Variants in TMEM86A observed in about 807,000 individuals in gnomAD.
The protein encoded by TMEM86A is lysoplasmalogenase TMEM86A.
A neutral mutation model predicts 19.8 loss-of-function variants in TMEM86A; 13 were observed. That is an observed-to-expected ratio of 0.66 (90% CI 0.43 to 1.04). The LOEUF (loss-of-function observed/expected upper bound fraction) is 1.04. Among genes scored for constraint, TMEM86A ranks in the 50% least tolerant of loss-of-function variants. The probability of loss-of-function intolerance (pLI) is 0.00; values close to 1 mark genes in which losing one functional copy is unlikely to be tolerated. For synonymous variants in TMEM86A, 128 were observed against 129.9 expected (o/e 0.99, Z 0.10); for missense variants, 248 against 306.8 (o/e 0.81, Z 1.43).
Position 18,701,449 on chromosome 11 carries a change from C to T in TMEM86A, c.287-124C>T. The T allele has an allele frequency of 8.4e-7, 1 of 1,190,554 alleles. No homozygotes were observed. The highest frequency in any genetic ancestry group is 1.2e-6 in the Non-Finnish European group (1 of 850,050). 73.7% of individuals were successfully genotyped at this position (1,190,554 alleles called of 1,614,324 possible). A position where few individuals can be genotyped will look rare whatever the true frequency, so the allele number is the denominator to read the frequency against. On this transcript the variant is annotated intron_variant, in intron 2 of 2. Coordinates refer to ENST00000280734, the MANE Select transcript of TMEM86A (RefSeq NM_153347.3). The surrounding 1 kb of genome is among the most constrained non-coding windows in gnomAD (Gnocchi z 5.3). ...TTAGATCTTCCTACCCCTGTTATCCCAAAGCAAAGCTGCTGGGTTATCCCA... is the reference window on the plus strand; with the variant it reads ...TTAGATCTTCCTACCCCTGTTATCCTAAAGCAAAGCTGCTGGGTTATCCCA...
Position 18,704,414 on chromosome 11 carries a change from G to T in TMEM86A, c.*2405G>T. The T allele has an allele frequency of 8.0e-7, 1 of 1,255,276 alleles. No homozygotes were observed. Among genetic ancestry groups the T allele is most frequent in the Non-Finnish European group, 1.1e-6 (1 of 877,110 alleles). 77.8% of individuals were successfully genotyped at this position (1,255,276 alleles called of 1,614,324 possible). On this transcript the variant is annotated 3_prime_UTR_variant, in exon 3 of 3. Coordinates refer to ENST00000280734, the MANE Select transcript of TMEM86A (RefSeq NM_153347.3). ...CCTACACTGGGCCATGCAGAGGACA[G>T]GCCAAGAAACTCCACATCATAACAG...
Position 18,704,535 on chromosome 11 carries a change from TTGTC to T in TMEM86A, c.*2529_*2532del. 1 of 1,547,792 alleles carries T rather than the reference TTGTC, an allele frequency of 6.5e-7. No homozygotes were observed. The highest frequency in any genetic ancestry group is 8.7e-7 in the Non-Finnish European group (1 of 1,144,322). Reference sequence around the variant, plus strand: ...GGATGCTACAACTGACTTATCATCTTTGTCTGAAAGAGCAAAGGAAGTATTCGTT... The same window carrying T: ...GGATGCTACAACTGACTTATCATCTTTGAAAGAGCAAAGGAAGTATTCGTT... On this transcript the variant is annotated 3_prime_UTR_variant, in exon 3 of 3. Coordinates refer to ENST00000280734, the MANE Select transcript of TMEM86A (RefSeq NM_153347.3).
At chr11:18,700,812 G>A (rs1297560020) in intron 1 of TMEM86A, 121 bp from the exon 2 acceptor site, 88 of 1,396,328 alleles carry the variant, frequency 6.3e-5, no homozygotes, top group Middle Eastern at 2.2e-4. Flanking sequence ...GTCTTCTCAG[G>A]TTGGGGGTGG....
rs558694904 is a variant in TMEM86A, at chr11:18,701,399, G to A, written c.287-174G>A. Among the ~76,000 whole-genome samples the A allele has an allele frequency of 1.7e-4, 26 of 152,244 alleles. No individual in the cohort carries two copies. The highest frequency in any genetic ancestry group is 4.6e-4 in the African/African-American group (19 of 41,528). On this transcript the variant is annotated intron_variant, in intron 2 of 2. Coordinates refer to ENST00000280734, the MANE Select transcript of TMEM86A (RefSeq NM_153347.3). The surrounding 1 kb of genome is among the most constrained non-coding windows in gnomAD (Gnocchi z 5.3). ...AGTGATCAGTTCCAGAGTCCTTCAG[G>A]GGACTGGGGTGGTGGTCTTTAACTT...
Position 18,701,352 on chromosome 11 carries a change from G to C in TMEM86A, c.286+155G>C, listed in dbSNP as rs1054522235. On this transcript the variant is annotated intron_variant, in intron 2 of 2. Transcript: ENST00000280734. This position sits in a 1 kb window ranked among gnomAD's most constrained non-coding sequence, Gnocchi z 5.3. ...CAGGGACTGTGAGGGTCCTTGTTAG[G>C]GGATGACCTCGCAGGGGAACTAGTG... Among the ~76,000 whole-genome samples, 9 of 152,064 alleles carry C rather than the reference G, an allele frequency of 5.9e-5. 1 individual carries two copies. Among genetic ancestry groups the C allele is most frequent in the Non-Finnish European group, 1.3e-4 (9 of 68,004 alleles).
chr11:18,699,004 GC>G lies in TMEM86A; in HGVS notation c.21+98del. Reference sequence around the variant, plus strand: ...AGGCCGAGCTGCCGAAGGGGCCGAGGCGGGGCGGGGGTCCCGTGGCGGCCGG... The same window carrying G: ...AGGCCGAGCTGCCGAAGGGGCCGAGGGGGGCGGGGGTCCCGTGGCGGCCGG... On this transcript the variant is annotated intron_variant, in intron 1 of 2. Transcript: ENST00000280734. The surrounding 1 kb of genome is among the most constrained non-coding windows in gnomAD (Gnocchi z 4.0). 5.0e-6 allele frequency: 2 copies of G among 400,332 alleles called. No homozygotes were observed. The allele number at this position is 400,332 out of a possible 1,614,324, so 24.8% of individuals were successfully genotyped here. A position where few individuals can be genotyped will look rare whatever the true frequency, so the allele number is the denominator to read the frequency against.
Position 18,701,043 on chromosome 11 carries a change from C to T in TMEM86A, c.132C>T (p.Cys44=), listed in dbSNP as rs143826006. ...SPSWVSTLIK[C]LPIFCLWLFL... is the part of the protein sequence containing the mutation. The stretch of plus-strand genomic sequence containing the variant: ...CGTGGGTCAGCACCCTCATCAAGTG[C>T]CTGCCTATCTTCTGCCTCTGGCTCT... The change falls in exon 2 of 3, where the codon TGC becomes TGT. Residue 44 remains cysteine (C), a synonymous_variant. Transcript: ENST00000280734. The surrounding 1 kb of genome is among the most constrained non-coding windows in gnomAD (Gnocchi z 5.3). The T allele has an allele frequency of 4.0e-5, 65 of 1,614,222 alleles. No individual in the cohort carries two copies. The African/African-American group carries it at 8.0e-4, about 20-fold the overall frequency.
Position 18,704,730 on chromosome 11 carries a change from G to A in TMEM86A, c.*2721G>A. 3 of 578,998 alleles carry A rather than the reference G, an allele frequency of 5.2e-6. No homozygotes were observed. The South Asian group carries it at 5.8e-5, about 11-fold the overall frequency. The allele number at this position is 578,998 out of a possible 1,614,324, so 35.9% of individuals were successfully genotyped here. On this transcript the variant is annotated 3_prime_UTR_variant, in exon 3 of 3. Coordinates refer to ENST00000280734, the MANE Select transcript of TMEM86A (RefSeq NM_153347.3). The stretch of plus-strand genomic sequence containing the variant: ...TATTTGCCAGACATTGTGCCAGGCA[G>A]TTGTGTACTGTCTCATTTAAGCCTC...
In TMEM86A at chr11:18,699,071, T is replaced by C. The variant is rs975601937; in HGVS notation, c.21+164T>C. 5.9e-5 allele frequency among the ~76,000 whole-genome samples: 9 copies of C among 151,720 alleles called. No homozygotes were observed. The highest frequency in any genetic ancestry group is 2.0e-4 in the Admixed American group (3 of 15,260). ...GGCGGGCGCTGTCACCGCCCCCCGC[T>C]CCTCAGACTCGCGGCGCCCCTCCTC... is the stretch of plus-strand genomic sequence containing the variant. On this transcript the variant is annotated intron_variant, in intron 1 of 2. Transcript: ENST00000280734. The surrounding 1 kb of genome is among the most constrained non-coding windows in gnomAD (Gnocchi z 4.0).
Position 18,698,809 on chromosome 11 carries a change from G to T in TMEM86A, c.-78G>T. The stretch of plus-strand genomic sequence containing the variant: ...CCGTCCCTCCGGGCTTTGTAGAATC[G>T]TCGCCGGCTTACCTGGCCGTGGGCG... On this transcript the variant is annotated 5_prime_UTR_variant, in exon 1 of 3. Transcript: ENST00000280734. The T allele has an allele frequency of 1.5e-6, 1 of 652,228 alleles. No individual in the cohort carries two copies. The highest frequency in any genetic ancestry group is 2.8e-6 in the Non-Finnish European group (1 of 363,222). 40.4% of individuals were successfully genotyped at this position (652,228 alleles called of 1,614,324 possible).
chr11:18,702,420 T>G lies in TMEM86A; in HGVS notation c.*411T>G. 4.5e-6 allele frequency: 1 copy of G among 222,760 alleles called. No homozygotes were observed. The highest frequency in any genetic ancestry group is 8.5e-5 in the South Asian group (1 of 11,770). 13.8% of individuals were successfully genotyped at this position (222,760 alleles called of 1,614,324 possible). ...GTTCACCCACTCCTCCCCTTTTTCA[T>G]CTGCACAAAGTTGAGGGAAACGGGA... On this transcript the variant is annotated 3_prime_UTR_variant, in exon 3 of 3. Coordinates refer to ENST00000280734, the MANE Select transcript of TMEM86A (RefSeq NM_153347.3).
chr11:18,701,240 G>C lies in TMEM86A; in HGVS notation c.286+43G>C, dbSNP rs1848146666. ...TTGCCTGGGAGGAGTCCTGGGGCTG[G>C]GGGATAGAGGGTCCTGGGCTGTGGG... On this transcript the variant is annotated intron_variant, in intron 2 of 2. Transcript: ENST00000280734. This position sits in a 1 kb window ranked among gnomAD's most constrained non-coding sequence, Gnocchi z 5.3. 3 of 1,599,192 alleles carry C rather than the reference G, an allele frequency of 1.9e-6. No homozygotes were observed. Among genetic ancestry groups the C allele is most frequent in the African/African-American group, 2.7e-5 (2 of 74,620 alleles).
rs1323454486 is a variant in TMEM86A, at chr11:18,704,504, G to A, written c.*2495G>A. On this transcript the variant is annotated 3_prime_UTR_variant, in exon 3 of 3. Coordinates refer to ENST00000280734, the MANE Select transcript of TMEM86A (RefSeq NM_153347.3). ...GCTTTGATTTCTTCTGCAGACTCTCGGTGATGGATGCTACAACTGACTTAT... is the reference window on the plus strand; with the variant it reads ...GCTTTGATTTCTTCTGCAGACTCTCAGTGATGGATGCTACAACTGACTTAT... 32 of 1,550,560 alleles carry A rather than the reference G, an allele frequency of 2.1e-5. No individual in the cohort carries two copies. The East Asian group carries it at 6.4e-4, about 31-fold the overall frequency.
In TMEM86A at chr11:18,702,380, C is replaced by A; in HGVS notation, c.*371C>A. The A allele has an allele frequency of 3.6e-6, 1 of 277,044 alleles. No individual in the cohort carries two copies. The highest frequency in any genetic ancestry group is 7.0e-6 in the Non-Finnish European group (1 of 142,762). 17.2% of individuals were successfully genotyped at this position (277,044 alleles called of 1,614,324 possible). A position where few individuals can be genotyped will look rare whatever the true frequency, so the allele number is the denominator to read the frequency against. ...TGACTCCATGTGTTATGCCTAGGAC[C>A]AATGGCAGTGCTGGGTTCACCCACT... On this transcript the variant is annotated 3_prime_UTR_variant, in exon 3 of 3. Transcript: ENST00000280734.
In TMEM86A at chr11:18,701,641, C is replaced by T. The variant is rs368896190; in HGVS notation, c.355C>T (p.Arg119Trp). Residue 119 changes from arginine to tryptophan, a missense_variant, in exon 3 of 3, where the codon CGG (arginine) becomes TGG (tryptophan). Coordinates refer to ENST00000280734, the MANE Select transcript of TMEM86A (RefSeq NM_153347.3). The surrounding 1 kb of genome is among the most constrained non-coding windows in gnomAD (Gnocchi z 5.3). Reference sequence around the variant, plus strand: ...CTTTGGCATGCAGCCACTGGCTCTTCGGACAGGTCTGGTGATGGCAGCGCT... The same window carrying T: ...CTTTGGCATGCAGCCACTGGCTCTTTGGACAGGTCTGGTGATGGCAGCGCT... Reference protein sequence around the residue: ...SAFGMQPLALRTGLVMAALSG... With the variant: ...SAFGMQPLALWTGLVMAALSG... 39 of 1,600,156 alleles carry T rather than the reference C, an allele frequency of 2.4e-5. No individual in the cohort carries two copies. Among genetic ancestry groups the T allele is most frequent in the South Asian group, 6.7e-5 (6 of 89,974 alleles).
rs7933138 is a variant in TMEM86A at position 18,698,783 on chromosome 11, T to G, written c.-104T>G. 6.3e-6 allele frequency: 4 copies of G among 633,868 alleles called. No individual in the cohort carries two copies. Among genetic ancestry groups the G allele is most frequent in the Non-Finnish European group, 1.1e-5 (4 of 353,514 alleles). 39.3% of individuals were successfully genotyped at this position (633,868 alleles called of 1,614,324 possible). Reference sequence around the variant, plus strand: ...GGCGCCGGGCGCTCGGGAGGTATTGTCCGTCCCTCCGGGCTTTGTAGAATC... The same window carrying G: ...GGCGCCGGGCGCTCGGGAGGTATTGGCCGTCCCTCCGGGCTTTGTAGAATC... On this transcript the variant is annotated 5_prime_UTR_variant, in exon 1 of 3. Transcript: ENST00000280734.
Position 18,704,452 on chromosome 11 carries a change from TG to T in TMEM86A, c.*2446del. 1 of 1,538,582 alleles carries T rather than the reference TG, an allele frequency of 6.5e-7. No homozygotes were observed. The highest frequency in any genetic ancestry group is 8.8e-7 in the Non-Finnish European group (1 of 1,135,266). On this transcript the variant is annotated 3_prime_UTR_variant, in exon 3 of 3. Transcript: ENST00000280734. ...CACATCATAACAGCCTCCTGATGCC[TG>T]GGCTTGGCTGGAGCTCACATGAGGT... is the stretch of plus-strand genomic sequence containing the variant.
intron 1 of TMEM86A, chr11:18,700,714 C>T (rs1056728481): frequency 3.2e-6 from 2 of 622,366 alleles, no homozygotes; most frequent in Non-Finnish European, 2.8e-6. Context: ...GGGTGCCCCT[C>T]CTAATATACT....
rs1331906398 is a variant in TMEM86A at position 18,701,065 on chromosome 11, C to T, written c.154C>T (p.Leu52Phe). Reference protein sequence around the residue: ...IKCLPIFCLWLFLLAHGLGFL... With the variant: ...IKCLPIFCLWFFLLAHGLGFL... The stretch of plus-strand genomic sequence containing the variant: ...GTGCCTGCCTATCTTCTGCCTCTGG[C>T]TCTTCCTTCTGGCCCATGGCCTGGG... Residue 52 changes from leucine (L) to phenylalanine (F), a missense_variant, in exon 2 of 3, where the codon CTC (leucine) becomes TTC (phenylalanine). Transcript: ENST00000280734. The surrounding 1 kb of genome is among the most constrained non-coding windows in gnomAD (Gnocchi z 5.3). 1 of 1,614,198 alleles carries T rather than the reference C, an allele frequency of 6.2e-7. No individual in the cohort carries two copies. Among genetic ancestry groups the T allele is most frequent in the South Asian group, 1.1e-5 (1 of 91,088 alleles).
Sources: gnomAD v4.1 joint callset for allele counts (sites outside exome capture counted in the v4.1 genomes callset) on GRCh38, gnomAD v4.1.1 for gene constraint, Gnocchi (gnomAD v3.1) non-coding constraint, MANE v1.5 for transcripts, NCBI Gene and HGNC (gene_info 2026-07-23, HGNC 2026-07-21) for gene names.